The following THOC1 variants were observed in gnomAD, a reference collection of about 807,000 sequenced individuals.
THOC1 encodes the protein THO complex subunit 1, also known as THO complex 1.
THOC1 carries 29 observed loss-of-function variants against 97.3 expected under a neutral mutation model. The observed-to-expected ratio is 0.30, with a 90% CI of 0.22 to 0.41. The LOEUF is 0.41. Among genes scored for constraint, THOC1 ranks in the 10% least tolerant of loss-of-function variants. The probability of loss-of-function intolerance (pLI) is 1.00; values close to 1 mark genes in which losing one functional copy is unlikely to be tolerated. For missense variants in THOC1, 529 were observed against 761.9 expected (o/e 0.69, Z 3.60); for synonymous variants, 255 against 257.0 (o/e 0.99, Z 0.07).
At chr18:246,273 A>G (rs187992894) in intron 11 of THOC1, 51 bp downstream of exon 11, 3 of 1,364,382 alleles carry the variant, frequency 2.2e-6, no homozygotes, top group African/African-American at 2.9e-5. Flanking sequence ...CTAAACGGAA[A>G]TAAAACAAGA....
At chr18:218,125 C>T (rs948567106) in intron 18 of THOC1, among the ~76,000 whole-genome samples, 8 of 152,204 alleles carry the variant, frequency 5.3e-5, no homozygotes, top group African/African-American at 1.9e-4. Flanking sequence ...ATACTGAGTG[C>T]TAACCACATG....
At chr18:247,706 A>G in intron 10 of THOC1, 143 bp downstream of exon 10, 1 of 593,466 alleles carries the variant, frequency 1.7e-6, no homozygotes. Flanking sequence ...ATATTAATTT[A>G]TAATTTCACT....
rs1910845233 is a variant in THOC1 at position 215,439 on chromosome 18, C to T, written c.1668G>A (p.Lys556=). The change falls in exon 20 of 21, where the codon AAG becomes AAA. Residue 556 remains lysine (K), a synonymous_variant. Coordinates refer to ENST00000261600, the MANE Select transcript of THOC1 (RefSeq NM_005131.3). ...EDEEDNDALL[K]ENESPDVRRD... is the part of the protein sequence containing the mutation. ...AAATTCAGTTCTTACTTTCATTTTC[C>T]TTCAGTAGAGCATCATTATCTTCCT... is the stretch of plus-strand genomic sequence containing the variant. The T allele has an allele frequency of 6.2e-7, 1 of 1,613,190 alleles. No homozygotes were observed.
At position 214,584 on chromosome 18, in the gene THOC1, C is replaced by T; in HGVS notation, c.*42G>A. On this transcript the variant is annotated 3_prime_UTR_variant, in exon 21 of 21. Coordinates refer to ENST00000261600, the MANE Select transcript of THOC1 (RefSeq NM_005131.3). ...CCTCTTATCAAATGCTGCTTGGTAA[C>T]AAAATCTATCACAGTTTTAATAAAA... 1 of 1,525,572 alleles carries T rather than the reference C, an allele frequency of 6.6e-7. No homozygotes were observed. The highest frequency in any genetic ancestry group is 8.9e-7 in the Non-Finnish European group (1 of 1,124,094). The allele number at this position is 1,525,572 out of a possible 1,614,324, so 94.5% of individuals were successfully genotyped here.
rs1401152897 is a variant in THOC1 at position 225,340 on chromosome 18, A to G, written c.1083T>C (p.Tyr361=). 2 of 1,613,464 alleles carry G rather than the reference A, an allele frequency of 1.2e-6. No homozygotes were observed. Among genetic ancestry groups the G allele is most frequent in the East Asian group, 4.5e-5 (2 of 44,850 alleles). Residue 361 remains tyrosine (Y), a synonymous_variant, in exon 13 of 21, where the codon TAT becomes TAC. Transcript: ENST00000261600. ...GTTTGTTGCGTGTTGAACTTACTTG[A>G]TAAACTGATTTTGTAGTATCTTCAA... ...LWIEDTTKSV[Y]QLLSENPPDG...
At chr18:215,747 G>A in intron 19 of THOC1, 1 of 440,808 alleles carries the variant, frequency 2.3e-6, no homozygotes, top group Non-Finnish European at 4.1e-6. Flanking sequence ...CTGGGAAGCA[G>A]GAAGTCAGTA....
chr18:231,559 A>C (rs1911486201), intron 11 of THOC1, among the ~76,000 whole-genome samples: 1 of 152,238 alleles, frequency 6.6e-6, no homozygotes. Context: ...AATATTTTAA[A>C]TGTTCAAAAA....
Position 261,699 on chromosome 18 carries a change from C to A in THOC1, c.257-1395G>T, listed in dbSNP as rs137965650. 3.2e-3 allele frequency among the ~76,000 whole-genome samples: 486 copies of A among 152,330 alleles called. 1 individual carries two copies. The highest frequency in any genetic ancestry group is 5.6e-3 in the Non-Finnish European group (378 of 68,036). ...AGATTCAATGATATTATATACCCTG[C>A]ACATCCAAGAGATTTGAGAAGCATA... On this transcript the variant is annotated intron_variant, in intron 4 of 20. Coordinates refer to ENST00000261600, the MANE Select transcript of THOC1 (RefSeq NM_005131.3).
chr18:244,702 T>C (rs1306927165), intron 11 of THOC1: 1 of 152,204 alleles, frequency 6.6e-6, no homozygotes, highest in African/African-American at 2.4e-5. Flanking sequence ...TGCTTGGCAG[T>C]TGTGACACAC....
chr18:232,130 C>G (rs1351672335), intron 11 of THOC1, among the ~76,000 whole-genome samples: 1 of 152,194 alleles, frequency 6.6e-6, no homozygotes, highest in African/African-American at 2.4e-5. Flanking sequence ...GGATCTGACT[C>G]TGTCAGCCAG....
At chr18:228,517 A>C (rs1414880402) in intron 11 of THOC1, among the ~76,000 whole-genome samples, 1 of 111,166 alleles carries the variant, frequency 9.0e-6, no homozygotes, top group African/African-American at 3.5e-5. Context: ...AACATCTAAA[A>C]TGTAAGGGGG....
rs766732205 is a variant in THOC1, at chr18:267,967, G to A, written c.53C>T (p.Thr18Met). 3 of 1,611,708 alleles carry A rather than the reference G, an allele frequency of 1.9e-6. No homozygotes were observed. The highest frequency in any genetic ancestry group is 2.5e-6 in the Non-Finnish European group (3 of 1,179,080). ...TGCACCCTCCCCTCTACAGCTCACC[G>A]TAAACCGCGTCCGCGCTTCGGGCAA... ...FSLPEARTRF[T>M]KSTREALNNK... The change falls in exon 1 of 21, where the codon ACG becomes ATG. Residue 18 changes from threonine (T) to methionine (M), a missense_variant and splice_region_variant. This residue lies in a region of THOC1 where 114 missense variants were observed against 97.4 expected (regional missense o/e 1.17). Coordinates refer to ENST00000261600, the MANE Select transcript of THOC1 (RefSeq NM_005131.3).
intron 10 of THOC1, among the ~76,000 whole-genome samples, chr18:246,762 A>G (rs1433711063): frequency 1.3e-5 from 2 of 151,924 alleles, no homozygotes; most frequent in Non-Finnish European, 2.9e-5. Flanking sequence ...GGGTAACTTG[A>G]GATCAGGAGT....
chr18:248,843 C>T (rs1483831630), intron 9 of THOC1, among the ~76,000 whole-genome samples: 7 of 151,996 alleles, frequency 4.6e-5, no homozygotes, highest in African/African-American at 1.2e-4. Context: ...CTCCGCCTCC[C>T]GGGTTCAAGC....
chr18:222,112 T>G (rs1315248230), intron 17 of THOC1, among the ~76,000 whole-genome samples: 6 of 152,228 alleles, frequency 3.9e-5, no homozygotes, highest in Admixed American at 3.9e-4. Context: ...CATATTCCAT[T>G]TCTTTCACAT....
At chr18:259,311 G>A (rs745920615) in intron 6 of THOC1, 36 bp from the exon 7 acceptor site, 1 of 1,497,502 alleles carries the variant, frequency 6.7e-7, no homozygotes, top group Admixed American at 1.9e-5. Context: ...ACACAGAAAA[G>A]ATAATTCTAT....
chr18:230,645 C>A (rs1911453193), intron 11 of THOC1, among the ~76,000 whole-genome samples: 1 of 152,034 alleles, frequency 6.6e-6, no homozygotes, highest in South Asian at 2.1e-4. Flanking sequence ...TCAATTGTAC[C>A]CTTTCTTTCA....
At chr18:223,925 C>A (rs1227413882) in intron 16 of THOC1, among the ~76,000 whole-genome samples, 159 bp downstream of exon 16, 1 of 152,086 alleles carries the variant, frequency 6.6e-6, no homozygotes, top group Non-Finnish European at 1.5e-5. Flanking sequence ...GTGCATGAAC[C>A]CACACAATGG....
intron 11 of THOC1, chr18:245,262 A>G (rs1022235489): frequency 6.6e-5 from 10 of 152,232 alleles, no homozygotes; most frequent in African/African-American, 2.4e-4. Context: ...AGAGTTTTGA[A>G]CAGGAGCCTT....
Sources: gnomAD v4.1 joint callset for allele counts (sites outside exome capture counted in the v4.1 genomes callset) on GRCh38, gnomAD v4.1.1 for gene constraint, gnomAD v4.1.1 regional missense constraint, MANE v1.5 for transcripts, NCBI Gene and HGNC (gene_info 2026-07-23, HGNC 2026-07-21) for gene names.